Variants in NEK6 observed in about 807,000 individuals in gnomAD.
NEK6 encodes the protein NIMA related kinase 6, also known as serine/threonine-protein kinase Nek6.
A neutral mutation model predicts 43.5 loss-of-function variants in NEK6; 27 were observed. The observed-to-expected ratio is 0.62, with a 90% confidence interval of 0.46 to 0.86. The LOEUF is 0.86. Ranked by LOEUF, NEK6 falls within the 40% of genes least tolerant of loss-of-function variation. The pLI, the probability that NEK6 is intolerant of heterozygous loss-of-function variation, is 0.00. For synonymous variants in NEK6, 167 were observed against 164.1 expected (o/e 1.02, Z -0.14); for missense variants, 318 against 414.4 (o/e 0.77, Z 2.02).
At chr9:124,349,528 G>A (rs1830137963) in intron 9 of NEK6, among the ~76,000 whole-genome samples, 1 of 152,206 alleles carries the variant, frequency 6.6e-6, no homozygotes, top group Non-Finnish European at 1.5e-5. Context: ...AGGAGTGAGA[G>A]GTGGTGCTCA....
chr9:124,314,020 C>T (rs931050457), intron 4 of NEK6, 35 bp downstream of exon 4: 9 of 1,606,540 alleles, frequency 5.6e-6, no homozygotes, highest in Admixed American at 1.7e-5. Context: ...GCTTTGCCTC[C>T]TCGGGGAGGT....
chr9:124,329,460 T>G (rs1588523367), intron 7 of NEK6, among the ~76,000 whole-genome samples: 1 of 152,102 alleles, frequency 6.6e-6, no homozygotes, highest in Admixed American at 6.5e-5. Context: ...CTTGGACTGG[T>G]GCACTTATTA....
chr9:124,338,301 C>T (rs752274139), intron 7 of NEK6, among the ~76,000 whole-genome samples: 2 of 152,150 alleles, frequency 1.3e-5, no homozygotes, highest in Non-Finnish European at 2.9e-5. Flanking sequence ...ATTTGCCCTT[C>T]CCTGATGAGT....
chr9:124,298,059 A>G (rs1001930049), intron 1 of NEK6, among the ~76,000 whole-genome samples: 1 of 152,128 alleles, frequency 6.6e-6, no homozygotes, highest in Non-Finnish European at 1.5e-5. Context: ...CTGGATTTGA[A>G]TCCTTTCTCT....
intron 1 of NEK6, among the ~76,000 whole-genome samples, chr9:124,297,769 G>A (rs1157161974): frequency 2.0e-5 from 3 of 152,202 alleles, no homozygotes; most frequent in Non-Finnish European, 4.4e-5. Flanking sequence ...TCCCGGGGAC[G>A]GGCAGTCCTC....
rs536800113 is a variant in NEK6, at chr9:124,326,207, C to T, written c.406-123C>T. ...TTGTTTGCTCAGTGGCTCAATCCCC[C>T]CCCCCCGCCCCTGCCAGGCACCAGT... is the stretch of plus-strand genomic sequence containing the variant. On this transcript the variant is annotated intron_variant, in intron 5 of 9. Transcript: ENST00000320246. The surrounding 1 kb of genome is among the most constrained non-coding windows in gnomAD (Gnocchi z 4.5). The T allele has an allele frequency of 4.9e-5, 9 of 182,514 alleles. No homozygotes were observed. Among genetic ancestry groups the T allele is most frequent in the African/African-American group, 2.0e-4 (7 of 35,674 alleles). 11.3% of individuals were successfully genotyped at this position (182,514 alleles called of 1,614,324 possible). A position where few individuals can be genotyped will look rare whatever the true frequency, so the allele number is the denominator to read the frequency against.
Position 124,327,367 on chromosome 9 carries a change from G to A in NEK6, c.544G>A (p.Ala182Thr), listed in dbSNP as rs1162626313. ...DIKPANVFITATGVVKLGDLG... is the reference protein window; with the variant it reads ...DIKPANVFITTTGVVKLGDLG... Reference sequence around the variant, plus strand: ...CAAGCCTGCCAACGTGTTCATCACAGCCACGGGCGTCGTGAAGCTCGGTGA... The same window carrying A: ...CAAGCCTGCCAACGTGTTCATCACAACCACGGGCGTCGTGAAGCTCGGTGA... The change falls in exon 7 of 10, where the codon GCC becomes ACC. Residue 182 changes from alanine (A) to threonine (T), a missense_variant. Around this residue, in one of 2 missense-constraint regions of NEK6, gnomAD observed 239 missense variants for 344.4 expected, o/e 0.69. Transcript: ENST00000320246. The A allele has an allele frequency of 1.9e-6, 3 of 1,613,928 alleles. No individual in the cohort carries two copies. The highest frequency in any genetic ancestry group is 1.7e-6 in the Non-Finnish European group (2 of 1,180,008).
In NEK6 at chr9:124,326,322, C is replaced by A; in HGVS notation, c.406-8C>A. The A allele has an allele frequency of 6.2e-7, 1 of 1,604,588 alleles. No individual in the cohort carries two copies. The stretch of plus-strand genomic sequence containing the variant: ...GGCCTATCCCTCTGCTTGTCTCCCC[C>A]ACTGCAGTACTTTAAGAAGCAGAAG... On this transcript the variant is annotated splice_polypyrimidine_tract_variant and splice_region_variant and intron_variant, in intron 5 of 9. Transcript: ENST00000320246. This position sits in a 1 kb window ranked among gnomAD's most constrained non-coding sequence, Gnocchi z 4.5.
At position 124,312,622 on chromosome 9, in the gene NEK6, G is replaced by C. The variant is rs1377794796; in HGVS notation, c.204G>C (p.Arg68Ser). The change falls in exon 3 of 10, where the codon AGG (arginine) becomes AGC (serine). Residue 68 changes from arginine (R) to serine (S), a missense_variant. Arg to Ser is a moderately radical substitution (Grantham distance 110). Around this residue, in one of 2 missense-constraint regions of NEK6, gnomAD observed 239 missense variants for 344.4 expected, o/e 0.69. Coordinates refer to ENST00000320246, the MANE Select transcript of NEK6 (RefSeq NM_014397.6). ...ACAAGGCCACCTGCCTGCTGGACAG[G>C]AAGACAGTGGCTCTGAAGAAGGTGC... ...EVYKATCLLDRKTVALKKVQI... is the reference protein window; with the variant it reads ...EVYKATCLLDSKTVALKKVQI... 5 of 1,613,766 alleles carry C rather than the reference G, an allele frequency of 3.1e-6. No individual in the cohort carries two copies. Among genetic ancestry groups the C allele is most frequent in the Non-Finnish European group, 3.4e-6 (4 of 1,179,674 alleles).
chr9:124,345,664 A>G (rs941802472), intron 8 of NEK6, among the ~76,000 whole-genome samples: 5 of 152,164 alleles, frequency 3.3e-5, no homozygotes, highest in Non-Finnish European at 7.3e-5. Context: ...ATGAAAAACC[A>G]GGGCCTGCGT....
chr9:124,287,076 A>G (rs1435937034), intron 1 of NEK6, among the ~76,000 whole-genome samples: 1 of 152,154 alleles, frequency 6.6e-6, no homozygotes, highest in African/African-American at 2.4e-5. Flanking sequence ...ACAGCTGGCC[A>G]CACCGGGAAG....
intron 1 of NEK6, among the ~76,000 whole-genome samples, chr9:124,269,791 C>G (rs1831361049): frequency 6.6e-6 from 1 of 152,098 alleles, no homozygotes. Flanking sequence ...AGCCTCTGCC[C>G]TTCTCTTTGT....
At chr9:124,290,378 C>T (rs538147585) in intron 1 of NEK6, among the ~76,000 whole-genome samples, 1 of 152,346 alleles carries the variant, frequency 6.6e-6, no homozygotes, top group East Asian at 1.9e-4. Flanking sequence ...TGGGCCCAGC[C>T]TCCGCCCCCA....
intron 1 of NEK6, among the ~76,000 whole-genome samples, chr9:124,270,519 G>A (rs1160391818): frequency 6.7e-6 from 1 of 149,160 alleles, no homozygotes; most frequent in East Asian, 2.4e-4. Context: ...TGTTCAAAAA[G>A]CAGTAAAAAA....
chr9:124,351,060 A>T lies in NEK6; in HGVS notation c.*113A>T. On this transcript the variant is annotated 3_prime_UTR_variant, in exon 10 of 10. Transcript: ENST00000320246. ...AACAGCTAAGACCACAGGGTTCAGC[A>T]GGTTCCCCAAAAGGCTGCCCAGCCT... 1 of 698,102 alleles carries T rather than the reference A, an allele frequency of 1.4e-6. No individual in the cohort carries two copies. Among genetic ancestry groups the T allele is most frequent in the Non-Finnish European group, 2.4e-6 (1 of 411,626 alleles). 43.2% of individuals were successfully genotyped at this position (698,102 alleles called of 1,614,324 possible). A position where few individuals can be genotyped will look rare whatever the true frequency, so the allele number is the denominator to read the frequency against.
chr9:124,295,707 A>G (rs1276194779), intron 1 of NEK6, among the ~76,000 whole-genome samples: 5 of 152,150 alleles, frequency 3.3e-5, no homozygotes, highest in Non-Finnish European at 7.4e-5. Context: ...TGCCTGGCGC[A>G]TGTGTGGTGC....
intron 8 of NEK6, among the ~76,000 whole-genome samples, chr9:124,340,605 G>C (rs1006361372): frequency 6.6e-6 from 1 of 152,248 alleles, no homozygotes; most frequent in Non-Finnish European, 1.5e-5. Flanking sequence ...CACCAAGCCC[G>C]GCTTGGTTTT....
chr9:124,293,722 C>A (rs1189127046), intron 1 of NEK6, among the ~76,000 whole-genome samples: 1 of 152,246 alleles, frequency 6.6e-6, no homozygotes, highest in Non-Finnish European at 1.5e-5. Flanking sequence ...GTCAGAGATT[C>A]ATTCTGCCAA....
In NEK6 at chr9:124,346,296, C is replaced by T. The variant is rs1353309225; in HGVS notation, c.718-1413C>T. ...CCACGCCCTCCTGAAGGAGGCAGGC[C>T]CTTGGGGTCACCAGACCTGTTCATG... is the stretch of plus-strand genomic sequence containing the variant. On this transcript the variant is annotated intron_variant, in intron 8 of 9. Transcript: ENST00000320246. Among the ~76,000 whole-genome samples the T allele has an allele frequency of 2.6e-5, 4 of 152,206 alleles. No homozygotes were observed. The East Asian group carries it at 7.7e-4, about 29-fold the overall frequency.
Sources: allele counts gnomAD v4.1 joint callset (sites outside exome capture counted in the v4.1 genomes callset), GRCh38; gene constraint gnomAD v4.1.1; regional missense constraint gnomAD v4.1.1; non-coding constraint Gnocchi (gnomAD v3.1); transcripts MANE v1.5; gene names NCBI Gene and HGNC (gene_info 2026-07-23, HGNC 2026-07-21).